The following ARHGAP21 variants were observed in gnomAD, a reference collection of about 807,000 sequenced individuals.
The protein encoded by ARHGAP21 is rho GTPase-activating protein 21.
A neutral mutation model predicts 164.6 loss-of-function variants in ARHGAP21; 38 were observed. The ratio of observed to expected loss-of-function variants is 0.23; its 90% CI spans 0.18 to 0.30. The LOEUF is 0.30. Ranked by LOEUF, ARHGAP21 falls within the 10% of genes least tolerant of loss-of-function variation. The pLI is 1.00. For missense variants in ARHGAP21, 1,822 were observed against 2,370.7 expected, an observed-to-expected ratio of 0.77 and a Z score of 4.81; for synonymous variants, 766 against 857.9, an observed-to-expected ratio of 0.89 and a Z score of 1.87.
chr10:24,701,470 A>G (rs1458363728), intron 2 of ARHGAP21, among the ~76,000 whole-genome samples: 1 of 152,186 alleles, frequency 6.6e-6, no homozygotes. Flanking sequence ...CCTTTGTAAT[A>G]TCTTAAATTG....
chr10:24,669,892 G>C (rs1163886515), intron 3 of ARHGAP21, among the ~76,000 whole-genome samples: 5 of 152,080 alleles, frequency 3.3e-5, no homozygotes, highest in Admixed American at 6.6e-5. Flanking sequence ...TGCATAGTCT[G>C]CCCAGAAAAC....
chr10:24,630,126 C>G, intron 6 of ARHGAP21, 76 bp from the exon 7 acceptor site: 1 of 738,444 alleles, frequency 1.4e-6, no homozygotes, highest in Non-Finnish European at 2.1e-6. Context: ...ACAGTTAACT[C>G]AGAAGTATTT....
chr10:24,663,061 G>A (rs995081788), intron 4 of ARHGAP21, among the ~76,000 whole-genome samples: 3 of 151,920 alleles, frequency 2.0e-5, no homozygotes, highest in Non-Finnish European at 4.4e-5. Flanking sequence ...TCTATTACAG[G>A]ACATGAATGT....
chr10:24,617,967 GC>G (rs1339306123), intron 9 of ARHGAP21, among the ~76,000 whole-genome samples: 1 of 152,110 alleles, frequency 6.6e-6, no homozygotes, highest in East Asian at 1.9e-4. Flanking sequence ...CTCTTCACAG[GC>G]ATTCCATATA....
At chr10:24,697,525 T>C (rs1843278215) in intron 2 of ARHGAP21, among the ~76,000 whole-genome samples, 2 of 152,110 alleles carry the variant, frequency 1.3e-5, no homozygotes, top group South Asian at 2.1e-4. Flanking sequence ...TGCTTTTTTC[T>C]TACATTTTAT....
chr10:24,656,020 G>C (rs545997330), intron 4 of ARHGAP21, among the ~76,000 whole-genome samples: 1 of 143,758 alleles, frequency 7.0e-6, no homozygotes, highest in Non-Finnish European at 1.5e-5. Context: ...CCGCCCGGCA[G>C]CTGCCCCGTC....
chr10:24,678,320 A>C (rs1428883986), intron 2 of ARHGAP21, among the ~76,000 whole-genome samples: 1 of 152,096 alleles, frequency 6.6e-6, no homozygotes, highest in Non-Finnish European at 1.5e-5. Flanking sequence ...ACATTATGTA[A>C]GTGTATATAC....
intron 2 of ARHGAP21, among the ~76,000 whole-genome samples, chr10:24,702,285 C>T (rs1843750675): frequency 6.6e-6 from 1 of 151,784 alleles, no homozygotes; most frequent in Non-Finnish European, 1.5e-5. Context: ...CACCCGCCAT[C>T]ACGCCTGGCT....
chr10:24,586,845 C>G (rs1032377342), intron 25 of ARHGAP21, among the ~76,000 whole-genome samples: 1 of 152,066 alleles, frequency 6.6e-6, no homozygotes, highest in Non-Finnish European at 1.5e-5. Flanking sequence ...CCCAGAAGTT[C>G]GAGATCAGCC....
At chr10:24,586,883 AC>A (rs2076125849) in intron 25 of ARHGAP21, among the ~76,000 whole-genome samples, 2 of 152,088 alleles carry the variant, frequency 1.3e-5, no homozygotes, top group African/African-American at 2.4e-5. Context: ...GCCTGTCTCT[AC>A]AAAAAATTAA....
At chr10:24,600,951 CT>C in intron 13 of ARHGAP21, 21 bp from the exon 14 acceptor site, 1 of 1,600,342 alleles carries the variant, frequency 6.2e-7, no homozygotes, top group African/African-American at 1.3e-5. Context: ...TGCGACAGTT[CT>C]TTAATAGTCA....
In ARHGAP21 at chr10:24,594,845, G is replaced by A. The variant is rs1488451800; in HGVS notation, c.3876+105C>T. 1.2e-5 allele frequency: 11 copies of A among 913,916 alleles called. No homozygotes were observed. The East Asian group carries it at 2.8e-4, about 23-fold the overall frequency. The allele number at this position is 913,916 out of a possible 1,614,324, so 56.6% of individuals were successfully genotyped here. On this transcript the variant is annotated intron_variant, in intron 21 of 25. Coordinates refer to ENST00000396432, the MANE Select transcript of ARHGAP21 (RefSeq NM_020824.4). ...TTAAGAAGGACTTACCCAGTTTGAT[G>A]TTGAATTACAAACCTTTTATTGACT...
intron 7 of ARHGAP21, among the ~76,000 whole-genome samples, chr10:24,628,114 C>A (rs1254353500): frequency 6.6e-6 from 1 of 152,212 alleles, no homozygotes; most frequent in Non-Finnish European, 1.5e-5. Flanking sequence ...TATTTCTAGT[C>A]TAGTTATTTT....
chr10:24,698,012 C>T (rs1477554706), intron 2 of ARHGAP21, among the ~76,000 whole-genome samples: 1 of 151,974 alleles, frequency 6.6e-6, no homozygotes, highest in African/African-American at 2.4e-5. Flanking sequence ...TCAGTAGCTC[C>T]CACATTTGCT....
rs1266442941 is a variant in ARHGAP21, at chr10:24,630,016, C to A, written c.475G>T (p.Asp159Tyr). 2 of 1,573,618 alleles carry A rather than the reference C, an allele frequency of 1.3e-6. No homozygotes were observed. The highest frequency in any genetic ancestry group is 4.5e-5 in the East Asian group (2 of 44,476). The stretch of plus-strand genomic sequence containing the variant: ...CTTACCACTTGGAGAATGTCTTCAT[C>A]TTTTGGCATAACACTAAGTTCCAAT... ...TTLELSVMPK[D>Y]EDILQVLQFT... is the part of the protein sequence containing the mutation. Residue 159 changes from aspartate (D) to tyrosine (Y), a missense_variant, in exon 7 of 26, where the codon GAT becomes TAT. Asp to Tyr is a radical substitution (Grantham distance 160). This residue lies in a region of ARHGAP21 where 1,090 missense variants were observed against 1,378.9 expected (regional missense o/e 0.79). Transcript: ENST00000396432.
intron 2 of ARHGAP21, 21 bp from the exon 3 acceptor site, chr10:24,670,418 A>G: frequency 1.3e-6 from 2 of 1,546,168 alleles, no homozygotes; most frequent in Non-Finnish European, 1.8e-6. Context: ...AAGATATTTA[A>G]AAGTTAACTA....
At chr10:24,714,485 T>A (rs1488388104) in intron 2 of ARHGAP21, 1 of 152,148 alleles carries the variant, frequency 6.6e-6, no homozygotes, top group Non-Finnish European at 1.5e-5. Flanking sequence ...CCCCACTCAA[T>A]ACATTAAAAT....
chr10:24,691,506 T>C (rs1379897113), intron 2 of ARHGAP21, among the ~76,000 whole-genome samples: 1 of 152,266 alleles, frequency 6.6e-6, no homozygotes, highest in African/African-American at 2.4e-5. Context: ...ATTTATTTTA[T>C]ATCTTGTTCA....
At chr10:24,630,410 CACAAA>C (rs755682016) in intron 6 of ARHGAP21, among the ~76,000 whole-genome samples, 7 of 152,132 alleles carry the variant, frequency 4.6e-5, no homozygotes, top group Non-Finnish European at 1.0e-4. Context: ...TTATTCAAGT[CACAAA>C]ACAAATTATA....
Sources: gnomAD v4.1 joint callset for allele counts (sites outside exome capture counted in the v4.1 genomes callset) on GRCh38, gnomAD v4.1.1 for gene constraint, gnomAD v4.1.1 regional missense constraint, MANE v1.5 for transcripts, NCBI Gene and HGNC (gene_info 2026-07-23, HGNC 2026-07-21) for gene names.